Variants in PNPLA1 observed in about 807,000 individuals in gnomAD.
PNPLA1 encodes omega-hydroxyceramide transacylase.
In PNPLA1, 36 loss-of-function variants were observed where a neutral mutation model predicts 51.7. The ratio of observed to expected loss-of-function variants is 0.70; its 90% CI spans 0.53 to 0.92. PNPLA1 has a LOEUF of 0.92. PNPLA1 is among the 40% of genes least tolerant of loss of function. The pLI, the probability that PNPLA1 is intolerant of heterozygous loss-of-function variation, is 0.00. For synonymous variants in PNPLA1, 293 were observed against 280.1 expected, an observed-to-expected ratio of 1.05 and a Z score of -0.46; for missense variants, 658 against 682.5, an observed-to-expected ratio of 0.96 and a Z score of 0.40.
upstream of PNPLA1, among the ~76,000 whole-genome samples, chr6:36,266,563 G>T (rs1206435395): frequency 6.6e-6 from 1 of 152,148 alleles, no homozygotes; most frequent in Non-Finnish European, 1.5e-5. Context: ...TCATTGTCCA[G>T]GGGGGTGGGG....
chr6:36,303,647 C>T (rs956839599), intron 6 of PNPLA1, among the ~76,000 whole-genome samples: 4 of 152,120 alleles, frequency 2.6e-5, no homozygotes, highest in Admixed American at 1.3e-4. Context: ...GCCTGACCAA[C>T]ATGGTGAAAC....
Position 36,248,821 on chromosome 6 carries a change from C to T in PNPLA1, c.-81+5560C>T, listed in dbSNP as rs529317549. 9.2e-5 allele frequency among the ~76,000 whole-genome samples: 14 copies of T among 152,274 alleles called. No homozygotes were observed. In the South Asian group the frequency reaches 2.9e-3, roughly 32 times the overall value. On this transcript the variant is annotated intron_variant, in intron 1 of 7. Coordinates refer to the PNPLA1 transcript ENST00000312917. ...GGTGTGAGCCACTGAACCTGGCCAA[C>T]TTTTCAATTTAAGCAAACGTCCCCC... is the stretch of plus-strand genomic sequence containing the variant.
At chr6:36,276,110 C>A (rs1349725409) in intron 1 of PNPLA1, among the ~76,000 whole-genome samples, 1 of 151,918 alleles carries the variant, frequency 6.6e-6, no homozygotes, top group Non-Finnish European at 1.5e-5. Context: ...AGGCACCCAC[C>A]ACCACGCCCA....
chr6:36,279,267 C>G (rs1023628314), intron 1 of PNPLA1, among the ~76,000 whole-genome samples: 11 of 152,226 alleles, frequency 7.2e-5, no homozygotes, highest in Non-Finnish European at 1.3e-4. Flanking sequence ...CACAACTTCT[C>G]CCATGGAGAC....
intron 2 of PNPLA1, among the ~76,000 whole-genome samples, chr6:36,291,978 G>A (rs1475015788): frequency 6.6e-6 from 1 of 152,190 alleles, no homozygotes; most frequent in Non-Finnish European, 1.5e-5. Context: ...CTCTTCCAGT[G>A]GCCCTTGATA....
chr6:36,300,216 A>AGAGG (rs59130732), intron 5 of PNPLA1, among the ~76,000 whole-genome samples: 11 of 148,462 alleles, frequency 7.4e-5, no homozygotes, highest in African/African-American at 2.7e-4. Flanking sequence ...AGAGAGAGAG[A>AGAGG]CAGAGTCTTG....
intron 1 of PNPLA1, among the ~76,000 whole-genome samples, chr6:36,254,452 T>C (rs1769486403): frequency 6.6e-6 from 1 of 152,084 alleles, no homozygotes; most frequent in Admixed American, 6.6e-5. Flanking sequence ...GGGGTGCACC[T>C]GTAGTCCCAG....
intron 1 of PNPLA1, among the ~76,000 whole-genome samples, chr6:36,282,058 A>AAAG (rs1770305357): frequency 9.4e-6 from 1 of 106,652 alleles, no homozygotes; most frequent in African/African-American, 3.9e-5. Flanking sequence ...AGAAAGAAAG[A>AAAG]AAGAAAGAAA....
At chr6:36,297,904 A>C in intron 5 of PNPLA1, among the ~76,000 whole-genome samples, 1 of 143,840 alleles carries the variant, frequency 7.0e-6, no homozygotes, top group East Asian at 2.0e-4. Context: ...TGAAACCATC[A>C]CCACAATTAA....
chr6:36,291,580 A>AAC, intron 2 of PNPLA1, 28 bp downstream of exon 2: 2 of 225,790 alleles, frequency 8.9e-6, no homozygotes, highest in Non-Finnish European at 1.8e-5. Context: ...GGAGGGAGGG[A>AAC]CACGGAGGGG....
upstream of PNPLA1, among the ~76,000 whole-genome samples, chr6:36,269,125 T>G (rs1412711810): frequency 1.3e-5 from 2 of 152,206 alleles, no homozygotes; most frequent in Non-Finnish European, 2.9e-5. Context: ...TGCAGATAAG[T>G]GAGTCCACCA....
At chr6:36,252,446 G>A (rs1276727993) in intron 1 of PNPLA1, among the ~76,000 whole-genome samples, 2 of 151,994 alleles carry the variant, frequency 1.3e-5, no homozygotes, top group South Asian at 2.1e-4. Flanking sequence ...ACAGAGAGGC[G>A]GGGATGGAGT....
intron 1 of PNPLA1, among the ~76,000 whole-genome samples, chr6:36,264,044 G>C (rs1769710640): frequency 6.6e-6 from 1 of 152,116 alleles, no homozygotes; most frequent in African/African-American, 2.4e-5. Context: ...CCCCATGACC[G>C]AACCTGGAGC....
At chr6:36,271,114 T>C (rs2127324554) in intron 1 of PNPLA1, among the ~76,000 whole-genome samples, 1 of 152,248 alleles carries the variant, frequency 6.6e-6, no homozygotes, top group South Asian at 2.1e-4. Context: ...TGGGGACGTA[T>C]TGTCCACCAT....
At chr6:36,307,980 G>A (rs1771295083) in intron 8 of PNPLA1, 1 of 306,008 alleles carries the variant, frequency 3.3e-6, no homozygotes, top group African/African-American at 2.2e-5. Flanking sequence ...AGTTAAATGT[G>A]ATCGATGATG....
intron 1 of PNPLA1, among the ~76,000 whole-genome samples, chr6:36,274,396 G>A (rs943452543): frequency 4.6e-5 from 7 of 152,160 alleles, no homozygotes; most frequent in Non-Finnish European, 7.3e-5. Context: ...CCTGACGTGG[G>A]TAAGGGAATG....
intron 1 of PNPLA1, among the ~76,000 whole-genome samples, chr6:36,256,935 GA>G (rs758666196): frequency 6.6e-6 from 1 of 152,148 alleles, no homozygotes; most frequent in Non-Finnish European, 1.5e-5. Flanking sequence ...GAAGTGGGGG[GA>G]TATAGGCAAC....
At position 36,302,377 on chromosome 6, in the gene PNPLA1, C is replaced by A; in HGVS notation, c.1292C>A (p.Thr431Asn). 6.2e-7 allele frequency: 1 copy of A among 1,603,686 alleles called. No homozygotes were observed. The highest frequency in any genetic ancestry group is 1.1e-5 in the South Asian group (1 of 89,832). The change falls in exon 6 of 9, where the codon ACT becomes AAT. Residue 431 changes from threonine to asparagine, a missense_variant. Transcript: ENST00000636260. ...TSPRPSLGPS[T>N]VGAPQTLPRS... The stretch of plus-strand genomic sequence containing the variant: ...CCCAGGCCATCCCTGGGGCCTTCAA[C>A]TGTGGGGGCACCTCAAACACTGCCC...
At chr6:36,297,484 G>A (rs961838438) in intron 5 of PNPLA1, among the ~76,000 whole-genome samples, 2 of 152,110 alleles carry the variant, frequency 1.3e-5, no homozygotes, top group Non-Finnish European at 2.9e-5. Flanking sequence ...CTGGGTAGGG[G>A]TCACCTCCAG....
Sources: allele counts gnomAD v4.1 joint callset (sites outside exome capture counted in the v4.1 genomes callset), GRCh38; gene constraint gnomAD v4.1.1; transcripts MANE v1.5; gene names NCBI Gene and HGNC (gene_info 2026-07-23, HGNC 2026-07-21).